Variants in ABCA9 observed in about 807,000 individuals in gnomAD.
ABCA9 encodes the protein ATP-binding cassette sub-family A member 9.
A neutral mutation model predicts 205.3 loss-of-function variants in ABCA9; 183 were observed. The ratio of observed to expected loss-of-function variants is 0.89; its 90% confidence interval spans 0.79 to 1.01. ABCA9 has a LOEUF of 1.01. ABCA9 is among the 50% of genes least tolerant of loss of function. The pLI, the probability that ABCA9 is intolerant of heterozygous loss-of-function variation, is 0.00. For synonymous variants in ABCA9, 651 were observed against 683.3 expected (o/e 0.95, Z 0.74); for missense variants, 1,805 against 1,912.4 (o/e 0.94, Z 1.05).
rs148998586 is a variant in ABCA9, at chr17:69,023,607, GA to G, written c.2281+606del. Among the ~76,000 whole-genome samples, 676 of 152,288 alleles carry G rather than the reference GA, an allele frequency of 4.4e-3. 2 individuals carry two copies. Among genetic ancestry groups the G allele is most frequent in the African/African-American group, 0.016 (645 of 41,566 alleles). ...TTGATATGGCAAACACATTTTTACAGAGTAAACTTAAGAAGCATTCTACCTC... is the reference window on the plus strand; with the variant it reads ...TTGATATGGCAAACACATTTTTACAGGTAAACTTAAGAAGCATTCTACCTC... On this transcript the variant is annotated intron_variant, in intron 17 of 38. Coordinates refer to ENST00000340001, the MANE Select transcript of ABCA9 (RefSeq NM_080283.4). The surrounding 1 kb of genome is among the most constrained non-coding windows in gnomAD (Gnocchi z 4.2).
At chr17:69,007,338 T>C (rs1598361669) in intron 25 of ABCA9, among the ~76,000 whole-genome samples, 1 of 151,986 alleles carries the variant, frequency 6.6e-6, no homozygotes, top group Non-Finnish European at 1.5e-5. Context: ...GAGGCGGAGG[T>C]TGCAGTGAGC....
chr17:69,028,011 C>G (rs1426507455), intron 12 of ABCA9, among the ~76,000 whole-genome samples, 196 bp from the exon 13 acceptor site: 3 of 152,100 alleles, frequency 2.0e-5, no homozygotes, highest in Non-Finnish European at 4.4e-5. Flanking sequence ...TACTTAGTAA[C>G]TTAATAACCA....
Position 69,020,355 on chromosome 17 carries a change from G to A in ABCA9, c.2600+33C>T, listed in dbSNP as rs766784726. 43 of 1,554,650 alleles carry A rather than the reference G, an allele frequency of 2.8e-5. No homozygotes were observed. In the South Asian group the frequency reaches 4.9e-4, roughly 18 times the overall value. On this transcript the variant is annotated intron_variant, in intron 19 of 38. Coordinates refer to ENST00000340001, the MANE Select transcript of ABCA9 (RefSeq NM_080283.4). ...CTCTTAAATTTATTTTTAGTTCACA[G>A]ACAAAACAAATCTGAAACACTCAGA... is the stretch of plus-strand genomic sequence containing the variant.
chr17:68,993,974 C>T (rs2069536641), intron 26 of ABCA9, among the ~76,000 whole-genome samples: 1 of 152,126 alleles, frequency 6.6e-6, no homozygotes, highest in Admixed American at 6.5e-5. Flanking sequence ...CTCCTGGGTT[C>T]AAGCAATTCT....
chr17:69,026,506 C>CTTAT, intron 15 of ABCA9, 39 bp from the exon 16 acceptor site: 1 of 1,523,096 alleles, frequency 6.6e-7, no homozygotes, highest in Non-Finnish European at 9.1e-7. Flanking sequence ...ACATGAAGGA[C>CTTAT]TTATTTCTTT....
chr17:69,044,594 C>T lies in ABCA9; in HGVS notation c.476G>A (p.Cys159Tyr). ...CTTCATTTTTTCATTCACTGCTTGA[C>T]AGTGAGCTTTAGAAGAAGAACACAT... ...MKEHRDHSAH[C>Y]QAVNEKMKCE... Residue 159 changes from cysteine (C) to tyrosine (Y), a missense_variant, in exon 5 of 39, where the codon TGT becomes TAT. By Grantham distance (194) the Cys-to-Tyr change is radical (BLOSUM62 -2). Transcript: ENST00000340001. The T allele has an allele frequency of 6.2e-7, 1 of 1,612,414 alleles. No homozygotes were observed. The highest frequency in any genetic ancestry group is 8.5e-7 in the Non-Finnish European group (1 of 1,179,100).
Position 69,035,780 on chromosome 17 carries a change from A to G in ABCA9, c.822T>C (p.Tyr274=), listed in dbSNP as rs771390892. 3 of 1,613,176 alleles carry G rather than the reference A, an allele frequency of 1.9e-6. No homozygotes were observed. Among genetic ancestry groups the G allele is most frequent in the Non-Finnish European group, 2.5e-6 (3 of 1,179,408 alleles). Residue 274 remains tyrosine (Y), a synonymous_variant, in exon 7 of 39, where the codon TAT becomes TAC. Transcript: ENST00000340001. ...SAFWLSWGLM[Y]AGFILIMATL... ...TGGCCATGATAAGGATGAAGCCAGC[A>G]TACATCAAACCCCAGGAAAGCCTAG...
chr17:69,032,422 GAC>G, intron 9 of ABCA9, 146 bp from the exon 10 acceptor site: 1 of 705,878 alleles, frequency 1.4e-6, no homozygotes, highest in Non-Finnish European at 2.3e-6. Flanking sequence ...ATGTGCTTTT[GAC>G]ACACACAGAA....
intron 25 of ABCA9, among the ~76,000 whole-genome samples, chr17:68,998,022 T>C (rs2069693056): frequency 6.6e-6 from 1 of 152,236 alleles, no homozygotes; most frequent in Admixed American, 6.5e-5. Context: ...TGTCATTTAG[T>C]TGTAATCATA....
chr17:69,027,572 T>C, intron 13 of ABCA9, 68 bp downstream of exon 13: 1 of 1,576,340 alleles, frequency 6.3e-7, no homozygotes, highest in Middle Eastern at 1.7e-4. Context: ...ATGTATAACT[T>C]AGCACAATAT....
chr17:68,994,948 T>TAA (rs1195950137), intron 26 of ABCA9, among the ~76,000 whole-genome samples: 1 of 152,202 alleles, frequency 6.6e-6, no homozygotes, highest in East Asian at 1.9e-4. Flanking sequence ...ATTTTTCTGC[T>TAA]ACGCTTTTTG....
At position 68,985,139 on chromosome 17, in the gene ABCA9, C is replaced by A. The variant is rs750686461; in HGVS notation, c.4209-11G>T. 10 of 1,614,186 alleles carry A rather than the reference C, an allele frequency of 6.2e-6. No individual in the cohort carries two copies. The East Asian group carries it at 2.2e-4, about 36-fold the overall frequency. The stretch of plus-strand genomic sequence containing the variant: ...AGCGCATCCACTAACCTGAAGAAAA[C>A]AGAGTCAATCCACATAATCCCAACA... On this transcript the variant is annotated splice_polypyrimidine_tract_variant and intron_variant, in intron 32 of 38. Coordinates refer to ENST00000340001, the MANE Select transcript of ABCA9 (RefSeq NM_080283.4).
the ABCA9 span, among the ~76,000 whole-genome samples, chr17:69,077,717 T>C: frequency 6.6e-6 from 1 of 152,170 alleles, no homozygotes; most frequent in Non-Finnish European, 1.5e-5. Flanking sequence ...TTAGGATAGT[T>C]AACTCCTCTT....
At chr17:69,018,043 A>G (rs1254953941) in intron 20 of ABCA9, 4 of 439,176 alleles carry the variant, frequency 9.1e-6, no homozygotes, top group Non-Finnish European at 1.6e-5. Flanking sequence ...TGTTAACATT[A>G]TAATCCTTGA....
At chr17:69,049,253 G>A (rs1345006068) in intron 3 of ABCA9, 30 bp downstream of exon 3, 2 of 1,530,636 alleles carry the variant, frequency 1.3e-6, no homozygotes, top group East Asian at 2.3e-5. Flanking sequence ...TGCAAATAAG[G>A]AAATTACTAT....
rs2070994017 is a variant in ABCA9 at position 69,026,553 on chromosome 17, G to A, written c.2051-86C>T. The A allele has an allele frequency of 2.5e-6, 3 of 1,205,244 alleles. No homozygotes were observed. In the African/African-American group the frequency reaches 4.5e-5, roughly 18 times the overall value. 74.7% of individuals were successfully genotyped at this position (1,205,244 alleles called of 1,614,324 possible). A position where few individuals can be genotyped will look rare whatever the true frequency, so the allele number is the denominator to read the frequency against. On this transcript the variant is annotated intron_variant, in intron 15 of 38. Coordinates refer to ENST00000340001, the MANE Select transcript of ABCA9 (RefSeq NM_080283.4). ...AACACAAATCTATTAACAATGTATT[G>A]TAGCAGCATGACACACTAAAATAGA...
chr17:69,033,810 G>C lies in ABCA9; in HGVS notation c.1192C>G (p.Leu398Val). 6.2e-7 allele frequency: 1 copy of C among 1,607,238 alleles called. No homozygotes were observed. The highest frequency in any genetic ancestry group is 8.5e-7 in the Non-Finnish European group (1 of 1,174,476). Reference protein sequence around the residue: ...AHLDSSQNPYLIIATLFMLVF... With the variant: ...AHLDSSQNPYVIIATLFMLVF... ...AACATGAAAAGAGTAGCTATTATGAGGTATGGATTTTGTGAAGAATCCAAG... is the reference window on the plus strand; with the variant it reads ...AACATGAAAAGAGTAGCTATTATGACGTATGGATTTTGTGAAGAATCCAAG... The change falls in exon 9 of 39, where the codon CTC becomes GTC. Residue 398 changes from leucine to valine, a missense_variant. Coordinates refer to ENST00000340001, the MANE Select transcript of ABCA9 (RefSeq NM_080283.4).
intron 30 of ABCA9, among the ~76,000 whole-genome samples, chr17:68,989,362 T>C (rs1313467333): frequency 6.6e-6 from 1 of 151,868 alleles, no homozygotes; most frequent in Admixed American, 6.6e-5. Flanking sequence ...GATAAATAAG[T>C]TGCCCCATGT....
At chr17:68,989,173 G>A in intron 30 of ABCA9, 55 bp from the exon 31 acceptor site, 1 of 1,124,288 alleles carries the variant, frequency 8.9e-7, no homozygotes, top group South Asian at 1.3e-5. Flanking sequence ...AAAAATAAAA[G>A]CAAATACCAT....
Sources: gnomAD v4.1 joint callset for allele counts (sites outside exome capture counted in the v4.1 genomes callset) on GRCh38, gnomAD v4.1.1 for gene constraint, Gnocchi (gnomAD v3.1) non-coding constraint, MANE v1.5 for transcripts, NCBI Gene and HGNC (gene_info 2026-07-23, HGNC 2026-07-21) for gene names.